Variants in PRKCE observed in about 807,000 individuals in gnomAD.
The protein encoded by PRKCE is protein kinase C epsilon, also known as protein kinase C epsilon type.
A neutral mutation model predicts 85.4 loss-of-function variants in PRKCE; 16 were observed. The observed-to-expected ratio is 0.19, with a 90% CI of 0.13 to 0.28. PRKCE has a LOEUF of 0.28. PRKCE is among the 10% of genes least tolerant of loss of function. PRKCE has a pLI of 1.00. For synonymous variants in PRKCE, 388 were observed against 371.5 expected (o/e 1.04, Z -0.51); for missense variants, 573 against 975.2 (o/e 0.59, Z 5.49).
intron 1 of PRKCE, among the ~76,000 whole-genome samples, chr2:45,779,528 C>T (rs796863443): frequency 3.4e-4 from 51 of 151,784 alleles, no homozygotes; most frequent in African/African-American, 1.2e-3. Flanking sequence ...CGACTACTTC[C>T]TTGCTCCATT....
chr2:46,098,321 C>T (rs567602858), intron 11 of PRKCE, among the ~76,000 whole-genome samples: 1 of 150,468 alleles, frequency 6.6e-6, no homozygotes, highest in African/African-American at 2.5e-5. Context: ...GGTTATTACT[C>T]CCCCCCCAAC....
At chr2:45,876,438 T>C (rs754587688) in intron 2 of PRKCE, among the ~76,000 whole-genome samples, 1 of 152,262 alleles carries the variant, frequency 6.6e-6, no homozygotes, top group Non-Finnish European at 1.5e-5. Flanking sequence ...CACTAGCTCT[T>C]TGTATTTGTG....
chr2:46,099,823 T>C (rs1249284092), intron 11 of PRKCE, among the ~76,000 whole-genome samples: 1 of 152,132 alleles, frequency 6.6e-6, no homozygotes, highest in Non-Finnish European at 1.5e-5. Flanking sequence ...CAGGATATAT[T>C]TTCTAATGGA....
At chr2:45,723,617 T>TTTTGC (rs1680806915) in intron 1 of PRKCE, among the ~76,000 whole-genome samples, 1 of 152,142 alleles carries the variant, frequency 6.6e-6, no homozygotes, top group Non-Finnish European at 1.5e-5. Context: ...TTTTGTTTTG[T>TTTTGC]TTTTTGAGAC....
At chr2:45,929,094 G>C (rs1698844939) in intron 2 of PRKCE, among the ~76,000 whole-genome samples, 1 of 152,120 alleles carries the variant, frequency 6.6e-6, no homozygotes, top group African/African-American at 2.4e-5. Flanking sequence ...CATCTCGAGA[G>C]CTCTCTTCCC....
At chr2:45,872,057 C>T (rs1694133444) in intron 2 of PRKCE, among the ~76,000 whole-genome samples, 1 of 151,996 alleles carries the variant, frequency 6.6e-6, no homozygotes. Context: ...ATGGAACTTA[C>T]ATTCTGGTTG....
chr2:46,027,775 G>A (rs1052532576), intron 10 of PRKCE, among the ~76,000 whole-genome samples: 1 of 152,134 alleles, frequency 6.6e-6, no homozygotes, highest in African/African-American at 2.4e-5. Flanking sequence ...AAGAAGTGTG[G>A]TGACTGGTCC....
At position 45,678,420 on chromosome 2, in the gene PRKCE, A is replaced by C. The variant is rs117697770; in HGVS notation, c.348+25972A>C. On this transcript the variant is annotated intron_variant, in intron 1 of 14. Transcript: ENST00000306156. ...ATTTCTCCAATGTTGTCTTCTGCAG[A>C]TTGCAATTGTCTTGCAACTGCTGTT... Among the ~76,000 whole-genome samples, 53 of 152,354 alleles carry C rather than the reference A, an allele frequency of 3.5e-4. No homozygotes were observed. The East Asian group carries it at 0.01, about 29-fold the overall frequency.
intron 11 of PRKCE, among the ~76,000 whole-genome samples, chr2:46,103,317 A>C (rs1346915193): frequency 4.6e-5 from 7 of 152,178 alleles, no homozygotes; most frequent in Admixed American, 4.6e-4. Context: ...TTCTTGCCCC[A>C]GTCCTAGAAT....
At chr2:45,769,783 C>G (rs1685172505) in intron 1 of PRKCE, among the ~76,000 whole-genome samples, 1 of 152,226 alleles carries the variant, frequency 6.6e-6, no homozygotes, top group Non-Finnish European at 1.5e-5. Flanking sequence ...TACAGATTAA[C>G]CTGTGGATGT....
At chr2:45,789,892 GATTAGCTTTAC>G (rs1305842642) in intron 1 of PRKCE, among the ~76,000 whole-genome samples, 3 of 152,180 alleles carry the variant, frequency 2.0e-5, no homozygotes, top group Non-Finnish European at 4.4e-5. Flanking sequence ...TGTGTCTTTA[GATTAGCTTTAC>G]ATATCTGACA....
rs1678252204 is a variant in PRKCE, at chr2:45,697,507, A to G, written c.348+45059A>G. Among the ~76,000 whole-genome samples the G allele has an allele frequency of 1.3e-5, 2 of 152,208 alleles. No homozygotes were observed. The highest frequency in any genetic ancestry group is 4.8e-5 in the African/African-American group (2 of 41,448). ...CAACCCGAGGCTCCCCAGCAAAAGC[A>G]AAGAATTGGAGGGACAGAGAACAGG... On this transcript the variant is annotated intron_variant, in intron 1 of 14. Coordinates refer to ENST00000306156, the MANE Select transcript of PRKCE (RefSeq NM_005400.3). This position sits in a 1 kb window ranked among gnomAD's most constrained non-coding sequence, Gnocchi z 4.2.
At chr2:45,712,387 T>G (rs1346218537) in intron 1 of PRKCE, among the ~76,000 whole-genome samples, 1 of 151,734 alleles carries the variant, frequency 6.6e-6, no homozygotes, top group Non-Finnish European at 1.5e-5. Flanking sequence ...ACTTCTGACC[T>G]CAAGTGATTT....
At chr2:45,759,083 A>T (rs913571165) in intron 1 of PRKCE, among the ~76,000 whole-genome samples, 11 of 152,134 alleles carry the variant, frequency 7.2e-5, no homozygotes, top group Non-Finnish European at 1.5e-5. Context: ...GATTTTGAAG[A>T]TGACTTTCCA....
chr2:45,829,636 C>G (rs1365657151), intron 1 of PRKCE, among the ~76,000 whole-genome samples: 1 of 152,164 alleles, frequency 6.6e-6, no homozygotes, highest in Non-Finnish European at 1.5e-5. Context: ...TAGCATAGAG[C>G]AGCTTCTCTG....
chr2:45,917,725 G>T (rs1267146856), intron 2 of PRKCE, among the ~76,000 whole-genome samples: 1 of 152,240 alleles, frequency 6.6e-6, no homozygotes, highest in African/African-American at 2.4e-5. Flanking sequence ...GCAGGGGGCG[G>T]CGCTCGTCGG....
chr2:45,849,714 A>G (rs1012172106), intron 2 of PRKCE, among the ~76,000 whole-genome samples: 31 of 152,176 alleles, frequency 2.0e-4, no homozygotes, highest in Non-Finnish European at 4.0e-4. Flanking sequence ...CGGAGCCCAG[A>G]AAACAACAAA....
intron 1 of PRKCE, among the ~76,000 whole-genome samples, chr2:45,711,778 C>T (rs1484192512): frequency 5.3e-5 from 8 of 152,124 alleles, no homozygotes; most frequent in African/African-American, 2.4e-5. Context: ...TCATGCGCGA[C>T]CATGCCCAGC....
At chr2:46,071,644 A>G (rs2103738486) in intron 10 of PRKCE, among the ~76,000 whole-genome samples, 1 of 152,322 alleles carries the variant, frequency 6.6e-6, no homozygotes, top group South Asian at 2.1e-4. Flanking sequence ...GTGCCCAAAC[A>G]GGGACTGACT....
Sources: gnomAD v4.1 joint callset for allele counts (sites outside exome capture counted in the v4.1 genomes callset) on GRCh38, gnomAD v4.1.1 for gene constraint, Gnocchi (gnomAD v3.1) non-coding constraint, MANE v1.5 for transcripts, NCBI Gene and HGNC (gene_info 2026-07-23, HGNC 2026-07-21) for gene names.